Variants in PRR16 observed in about 807,000 individuals in gnomAD.
The protein encoded by PRR16 is proline rich 16, also known as protein Largen.
Under a neutral mutation model 18.2 loss-of-function variants are expected in PRR16, and 6 were observed. The ratio of observed to expected loss-of-function variants is 0.33; its 90% CI spans 0.18 to 0.65. The LOEUF (loss-of-function observed/expected upper bound fraction) is 0.65, where lower values mean the gene tolerates loss of function less well. PRR16 is among the 30% of genes least tolerant of loss of function. PRR16 has a pLI of 0.74. For synonymous variants in PRR16, 151 were observed against 147.8 expected (o/e 1.02, Z -0.16); for missense variants, 412 against 376.6 (o/e 1.09, Z -0.78).
intron 1 of PRR16, among the ~76,000 whole-genome samples, chr5:120,538,383 A>T (rs559355803): frequency 1.3e-5 from 2 of 152,326 alleles, no homozygotes; most frequent in African/African-American, 4.8e-5. Flanking sequence ...CTTTGCAACC[A>T]AAATGGAATC....
the PRR16 span, among the ~76,000 whole-genome samples, chr5:120,695,971 G>A: frequency 3.9e-5 from 6 of 151,972 alleles, no homozygotes; most frequent in South Asian, 1.0e-3. Context: ...GGCCATGCAC[G>A]GTGGCTCATG....
intron 1 of PRR16, among the ~76,000 whole-genome samples, chr5:120,610,963 C>G (rs529097408): frequency 1.1e-4 from 17 of 152,254 alleles, no homozygotes; most frequent in Non-Finnish European, 2.2e-4. Flanking sequence ...TGACTTTGCC[C>G]AAAATGCTGA....
At chr5:120,496,634 A>T (rs1750255560) in intron 1 of PRR16, among the ~76,000 whole-genome samples, 1 of 149,998 alleles carries the variant, frequency 6.7e-6, no homozygotes, top group Non-Finnish European at 1.5e-5. Context: ...TTGTAAATTT[A>T]TTTTTTTTTG....
chr5:120,549,899 T>G (rs1306077125), intron 1 of PRR16, among the ~76,000 whole-genome samples: 3 of 151,998 alleles, frequency 2.0e-5, no homozygotes, highest in African/African-American at 7.2e-5. Context: ...TATCCTGAGG[T>G]ACTAAAATTT....
chr5:120,773,403 G>A, the PRR16 span, among the ~76,000 whole-genome samples: 1 of 152,088 alleles, frequency 6.6e-6, no homozygotes, highest in Non-Finnish European at 1.5e-5. Flanking sequence ...GTTTAAAATG[G>A]CAGCCAGAGC....
intron 1 of PRR16, among the ~76,000 whole-genome samples, chr5:120,628,017 G>A (rs1754924161): frequency 6.6e-6 from 1 of 152,062 alleles, no homozygotes; most frequent in Non-Finnish European, 1.5e-5. Context: ...TCTGGTGAAT[G>A]TATTGCTTCT....
At chr5:120,695,161 G>A in the PRR16 span, among the ~76,000 whole-genome samples, 4 of 152,044 alleles carry the variant, frequency 2.6e-5, no homozygotes, top group Non-Finnish European at 4.4e-5. Flanking sequence ...GACAAAAATC[G>A]AGTATTTGGA....
At chr5:120,582,559 CTT>C (rs985349128) in intron 1 of PRR16, among the ~76,000 whole-genome samples, 1 of 151,948 alleles carries the variant, frequency 6.6e-6, no homozygotes, top group Non-Finnish European at 1.5e-5. Context: ...AAACTATGCT[CTT>C]TGACTTATGC....
chr5:120,485,396 A>G (rs996005636), intron 1 of PRR16, among the ~76,000 whole-genome samples: 2 of 152,212 alleles, frequency 1.3e-5, no homozygotes, highest in Non-Finnish European at 2.9e-5. Context: ...ATAAGTAATT[A>G]GGTATACTTT....
intron 1 of PRR16, among the ~76,000 whole-genome samples, chr5:120,671,973 G>T (rs755999044): frequency 6.6e-6 from 1 of 152,094 alleles, no homozygotes; most frequent in Admixed American, 6.6e-5. Context: ...TTTGATTCTT[G>T]TATGTTTATT....
chr5:120,553,653 CAATATGT>C (rs1279898533), intron 1 of PRR16, among the ~76,000 whole-genome samples: 1 of 151,714 alleles, frequency 6.6e-6, no homozygotes, highest in Admixed American at 6.6e-5. Flanking sequence ...TGTTTCAAAG[CAATATGT>C]AATATGTTAC....
chr5:120,716,148 C>G, the PRR16 span, among the ~76,000 whole-genome samples: 1 of 152,138 alleles, frequency 6.6e-6, no homozygotes, highest in Non-Finnish European at 1.5e-5. Flanking sequence ...TCTCCCACAT[C>G]TTTGCTACAG....
chr5:120,714,928 A>G, the PRR16 span, among the ~76,000 whole-genome samples: 6 of 152,252 alleles, frequency 3.9e-5, no homozygotes, highest in Non-Finnish European at 5.9e-5. Context: ...CATAAATGGG[A>G]GTTGAAAAAT....
downstream of PRR16, among the ~76,000 whole-genome samples, chr5:120,689,759 G>A (rs558583591): frequency 1.4e-5 from 2 of 144,430 alleles, no homozygotes; most frequent in East Asian, 4.0e-4. Flanking sequence ...GGGTGTTTTG[G>A]TTTTTTTTTT....
chr5:120,642,388 G>A (rs1471391683), intron 1 of PRR16, among the ~76,000 whole-genome samples: 1 of 151,982 alleles, frequency 6.6e-6, no homozygotes, highest in Admixed American at 6.6e-5. Flanking sequence ...GTACAGAGAT[G>A]TAAAGAGATG....
At chr5:120,616,027 G>A (rs1285103985) in intron 1 of PRR16, among the ~76,000 whole-genome samples, 3 of 152,286 alleles carry the variant, frequency 2.0e-5, no homozygotes, top group Non-Finnish European at 4.4e-5. Flanking sequence ...GCAAGAAGCT[G>A]AGAATAACGT....
chr5:120,778,607 G>A, the PRR16 span, among the ~76,000 whole-genome samples: 14,608 of 152,182 alleles, frequency 0.096, 888 homozygotes, highest in African/African-American at 0.17. Flanking sequence ...GAAAATCCCA[G>A]ATTCCTTTTC....
At chr5:120,485,481 A>G (rs916750247) in intron 1 of PRR16, among the ~76,000 whole-genome samples, 1 of 152,214 alleles carries the variant, frequency 6.6e-6, no homozygotes, top group Non-Finnish European at 1.5e-5. Context: ...GATTATCTAC[A>G]TGTTTACAAC....
rs3047950 is a variant in PRR16 at position 120,530,254 on chromosome 5, AATATAT to A, written c.159+65634_159+65639del. Among the ~76,000 whole-genome samples the A allele has an allele frequency of 7.3e-3, 777 of 106,706 alleles. 11 individuals carry two copies. The highest frequency in any genetic ancestry group is 0.021 in the South Asian group (65 of 3,106). The allele number at this position is 106,706 out of a possible 152,430, so 70.0% of individuals were successfully genotyped here. A position where few individuals can be genotyped will look rare whatever the true frequency, so the allele number is the denominator to read the frequency against. On this transcript the variant is annotated intron_variant, in intron 1 of 1. Coordinates refer to ENST00000407149, the MANE Select transcript of PRR16 (RefSeq NM_001300783.2). ...TGCTGTTTTACCTGAAGTGTGTGTA[AATATAT>A]ATATATATATATATATATATATATT...
Sources: allele counts gnomAD v4.1 joint callset (sites outside exome capture counted in the v4.1 genomes callset), GRCh38; gene constraint gnomAD v4.1.1; transcripts MANE v1.5; gene names NCBI Gene and HGNC (gene_info 2026-07-23, HGNC 2026-07-21).